PLEKHO2: variants seen among roughly 807,000 people sequenced by gnomAD.
The protein encoded by PLEKHO2 is pleckstrin homology domain-containing family O member 2.
PLEKHO2 carries 20 observed loss-of-function variants against 32.7 expected under a neutral mutation model. The observed-to-expected ratio is 0.61, with a 90% CI of 0.43 to 0.89. PLEKHO2 has a LOEUF of 0.89. Among genes scored for constraint, PLEKHO2 ranks in the 40% least tolerant of loss-of-function variants. The probability of loss-of-function intolerance (pLI) is 0.00; values close to 1 mark genes in which losing one functional copy is unlikely to be tolerated. For missense variants in PLEKHO2, 568 were observed against 621.2 expected, an observed-to-expected ratio of 0.91 and a Z score of 0.91; for synonymous variants, 247 against 246.3, an observed-to-expected ratio of 1.00 and a Z score of -0.03.
chr15:64,866,942 G>T lies in PLEKHO2; in HGVS notation c.*1054G>T, dbSNP rs893606358. 2 of 152,780 alleles carry T rather than the reference G, an allele frequency of 1.3e-5. No homozygotes were observed. The highest frequency in any genetic ancestry group is 2.9e-5 in the Non-Finnish European group (2 of 68,434). 9.5% of individuals were successfully genotyped at this position (152,780 alleles called of 1,614,324 possible). On this transcript the variant is annotated 3_prime_UTR_variant, in exon 6 of 6. Transcript: ENST00000323544. ...CAAGCCCCAGATGGGCTGCTCTCCT[G>T]TAACTTTCTAGGAGAAGAGACATTT...
At chr15:64,842,963 G>A (rs933715105) in intron 1 of PLEKHO2, among the ~76,000 whole-genome samples, 2 of 152,222 alleles carry the variant, frequency 1.3e-5, no homozygotes, top group African/African-American at 4.8e-5. Flanking sequence ...CCCCTGAGGG[G>A]GTCCCAGCTT....
chr15:64,864,240 G>A (rs1252364540), intron 5 of PLEKHO2, among the ~76,000 whole-genome samples: 1 of 152,126 alleles, frequency 6.6e-6, no homozygotes, highest in Non-Finnish European at 1.5e-5. Context: ...GTGGGTAGCT[G>A]CCTTCTGGTG....
chr15:64,843,501 G>C (rs1195616228), intron 1 of PLEKHO2, among the ~76,000 whole-genome samples: 1 of 152,132 alleles, frequency 6.6e-6, no homozygotes, highest in East Asian at 1.9e-4. Flanking sequence ...CTGATTAAGG[G>C]AAGTTCTCCG....
At chr15:64,858,637 C>T (rs549911737) in intron 3 of PLEKHO2, among the ~76,000 whole-genome samples, 6 of 152,248 alleles carry the variant, frequency 3.9e-5, no homozygotes, top group African/African-American at 9.6e-5. Context: ...ATCTTACAGA[C>T]GAGGAAACAA....
At position 64,848,679 on chromosome 15, in the gene PLEKHO2, G is replaced by A. The variant is rs2084542053; in HGVS notation, c.99G>A (p.Leu33=). 1.4e-5 allele frequency: 23 copies of A among 1,614,152 alleles called. No homozygotes were observed. The highest frequency in any genetic ancestry group is 2.7e-5 in the African/African-American group (2 of 75,036). The part of the protein sequence containing the change: ...GWIKKSSGGL[L]GFWKDRYLLL... ...TCAAGAAGAGCAGTGGGGGCCTCCT[G>A]GGTTTCTGGAAAGACCGATATCTGC... is the stretch of plus-strand genomic sequence containing the variant. The change falls in exon 2 of 6, where the codon CTG becomes CTA. Residue 33 remains leucine, a synonymous_variant. Coordinates refer to ENST00000323544, the MANE Select transcript of PLEKHO2 (RefSeq NM_025201.5).
intron 2 of PLEKHO2, among the ~76,000 whole-genome samples, chr15:64,849,926 C>T (rs750709550): frequency 6.6e-5 from 10 of 151,100 alleles, no homozygotes; most frequent in Non-Finnish European, 1.3e-4. Flanking sequence ...TTTGGGAGGC[C>T]GAGGCAGGCG....
chr15:64,862,760 TTTTCTTTTC>T (rs1326320079), intron 5 of PLEKHO2, among the ~76,000 whole-genome samples: 1 of 152,034 alleles, frequency 6.6e-6, no homozygotes, highest in African/African-American at 2.4e-5. Context: ...CATATTTTCT[TTTTCTTTTC>T]TTTCTTTTCT....
Position 64,860,168 on chromosome 15 carries a change from G to A in PLEKHO2, c.384+170G>A, listed in dbSNP as rs576635573. Among the ~76,000 whole-genome samples the A allele has an allele frequency of 2.5e-3, 383 of 152,308 alleles. 2 individuals are homozygous for A. The highest frequency in any genetic ancestry group is 8.8e-3 in the African/African-American group (364 of 41,542). ...CTCACTACAGCCCCTCATAGTAGGTGGTGCTGTCCTTGTTTTACAGATGAA... is the reference window on the plus strand; with the variant it reads ...CTCACTACAGCCCCTCATAGTAGGTAGTGCTGTCCTTGTTTTACAGATGAA... On this transcript the variant is annotated intron_variant, in intron 4 of 5. Transcript: ENST00000323544.
intron 3 of PLEKHO2, among the ~76,000 whole-genome samples, chr15:64,858,902 A>C (rs904767916): frequency 6.6e-6 from 1 of 152,174 alleles, no homozygotes; most frequent in African/African-American, 2.4e-5. Context: ...CTAAAACTCT[A>C]TGCCCATTAA....
At chr15:64,842,056 G>T in intron 1 of PLEKHO2, 28 bp downstream of exon 1, 4 of 1,236,452 alleles carry the variant, frequency 3.2e-6, no homozygotes, top group Non-Finnish European at 4.0e-6. Flanking sequence ...CGGGGCGTTG[G>T]GCTGGGGTCC....
At chr15:64,860,420 G>A (rs982375101) in intron 4 of PLEKHO2, among the ~76,000 whole-genome samples, 2 of 152,186 alleles carry the variant, frequency 1.3e-5, no homozygotes, top group African/African-American at 4.8e-5. Context: ...CTCCCTCTCT[G>A]TCTGCAATGA....
At position 64,865,779 on chromosome 15, in the gene PLEKHO2, C is replaced by T. The variant is rs777433505; in HGVS notation, c.1364C>T (p.Thr455Ile). The change falls in exon 6 of 6, where the codon ACC becomes ATC. Residue 455 changes from threonine (T) to isoleucine (I), a missense_variant. Coordinates refer to ENST00000323544, the MANE Select transcript of PLEKHO2 (RefSeq NM_025201.5). ...GCTGTGGAGCAGCTGAGGCAGGCCA[C>T]CCAGGTCCTGCAGGAAATGAGAGAT... ...SQAVEQLRQA[T>I]QVLQEMRDLG... The T allele has an allele frequency of 6.2e-7, 1 of 1,614,130 alleles. No homozygotes were observed. The highest frequency in any genetic ancestry group is 1.1e-5 in the South Asian group (1 of 91,082).
chr15:64,849,253 T>C (rs2084547522), intron 2 of PLEKHO2, among the ~76,000 whole-genome samples: 1 of 152,044 alleles, frequency 6.6e-6, no homozygotes, highest in African/African-American at 2.4e-5. Context: ...GTTCAAGCAA[T>C]TCTCCTGCCT....
At chr15:64,864,806 G>A in intron 5 of PLEKHO2, 93 bp from the exon 6 acceptor site, 2 of 1,417,456 alleles carry the variant, frequency 1.4e-6, no homozygotes, top group Non-Finnish European at 1.9e-6. Flanking sequence ...TGGACAACCT[G>A]GATGGGAGAG....
Position 64,861,529 on chromosome 15 carries a change from G to C in PLEKHO2, c.437G>C (p.Arg146Pro). ...ALEHVTRDRVRGGQRRRPPTR... is the reference protein window; with the variant it reads ...ALEHVTRDRVPGGQRRRPPTR... ...GAGCATGTGACACGGGACCGGGTGC[G>C]AGGGGGCCAGCGACGCCGGCCACCA... Residue 146 changes from arginine to proline, a missense_variant, in exon 5 of 6, where the codon CGA becomes CCA. Transcript: ENST00000323544. 1 of 1,609,114 alleles carries C rather than the reference G, an allele frequency of 6.2e-7. No individual in the cohort carries two copies. The highest frequency in any genetic ancestry group is 8.5e-7 in the Non-Finnish European group (1 of 1,178,306).
chr15:64,862,778 CTTTTT>C (rs1183397833), intron 5 of PLEKHO2, among the ~76,000 whole-genome samples: 1 of 151,864 alleles, frequency 6.6e-6, no homozygotes, highest in African/African-American at 2.4e-5. Context: ...TCTTTCTTTT[CTTTTT>C]TTTATTATTA....
rs1021114316 is a variant in PLEKHO2, at chr15:64,855,822, G to A, written c.279+785G>A. ...TCCTCTGCATGTCATGTGGAGCCTC[G>A]CAGAATAGGGCTGAGTCACAGAGGC... On this transcript the variant is annotated intron_variant, in intron 3 of 5. Coordinates refer to ENST00000323544, the MANE Select transcript of PLEKHO2 (RefSeq NM_025201.5). Among the ~76,000 whole-genome samples, 3 of 152,300 alleles carry A rather than the reference G, an allele frequency of 2.0e-5. No individual in the cohort carries two copies. In the East Asian group the frequency reaches 5.8e-4, roughly 29 times the overall value.
chr15:64,854,992 C>T lies in PLEKHO2; in HGVS notation c.234C>T (p.Leu78=). The change falls in exon 3 of 6, where the codon CTC becomes CTT. Residue 78 remains leucine (L), a synonymous_variant. Coordinates refer to ENST00000323544, the MANE Select transcript of PLEKHO2 (RefSeq NM_025201.5). ...AGTGCCAGGACCTTCGTGCCCTCCT[C>T]AAGCGAAAACACCGCTTTATCCTGC... ...YEKCQDLRAL[L]KRKHRFILLR... 6.2e-7 allele frequency: 1 copy of T among 1,603,936 alleles called. No homozygotes were observed. Among genetic ancestry groups the T allele is most frequent in the African/African-American group, 1.3e-5 (1 of 74,998 alleles).
At chr15:64,859,393 C>T (rs1053249142) in intron 3 of PLEKHO2, among the ~76,000 whole-genome samples, 2 of 152,226 alleles carry the variant, frequency 1.3e-5, no homozygotes, top group East Asian at 1.9e-4. Flanking sequence ...TTGTCCACTG[C>T]GTGAGGCAGC....
Sources: allele counts gnomAD v4.1 joint callset (sites outside exome capture counted in the v4.1 genomes callset), GRCh38; gene constraint gnomAD v4.1.1; transcripts MANE v1.5; gene names NCBI Gene and HGNC (gene_info 2026-07-23, HGNC 2026-07-21).